AVEN: variants seen among roughly 807,000 people sequenced by gnomAD.
AVEN encodes the protein apoptosis and caspase activation inhibitor.
In AVEN, 41 loss-of-function variants were observed where a neutral mutation model predicts 38.1. The ratio of observed to expected loss-of-function variants is 1.08; its 90% confidence interval spans 0.84 to 1.40. The LOEUF (loss-of-function observed/expected upper bound fraction) is 1.40, where lower values mean the gene tolerates loss of function less well. Ranked by LOEUF, AVEN falls within the 40% of genes most tolerant of loss-of-function variation. The pLI is 0.00. For missense variants in AVEN, 605 were observed against 438.8 expected (o/e 1.38, Z -3.38); for synonymous variants, 206 against 171.8 (o/e 1.20, Z -1.56).
At chr15:33,991,421 T>C (rs1403870037) in intron 2 of AVEN, 1 of 152,108 alleles carries the variant, frequency 6.6e-6, no homozygotes, top group Non-Finnish European at 1.5e-5. Flanking sequence ...CATGATGTGA[T>C]TATTATGCAT....
At chr15:33,864,394 T>C (rs149380457), downstream of AVEN, among the ~76,000 whole-genome samples, 3 of 151,484 alleles carry the variant, frequency 2.0e-5, no homozygotes, top group African/African-American at 7.2e-5. Context: ...TAAATGCTTA[T>C]AGCTACTGCT....
chr15:34,045,042 T>A (rs1899635700), intron 5 of AVEN, among the ~76,000 whole-genome samples: 1 of 152,146 alleles, frequency 6.6e-6, no homozygotes, highest in South Asian at 2.1e-4. Flanking sequence ...AGCGAGACTC[T>A]GTCTCAAAAA....
At chr15:33,862,726 T>G (rs143503491), downstream of AVEN, among the ~76,000 whole-genome samples, 4,940 of 152,302 alleles carry the variant, frequency 0.032, 159 homozygotes, top group Non-Finnish European at 0.039. Context: ...TTCTCCTGCC[T>G]CAGCCTCCTG....
At chr15:33,871,910 G>A (rs1375252430) in intron 3 of AVEN, among the ~76,000 whole-genome samples, 1 of 152,108 alleles carries the variant, frequency 6.6e-6, no homozygotes, top group Non-Finnish European at 1.5e-5. Context: ...ACTAAACTGT[G>A]AATTTTAAAA....
chr15:34,042,557 C>T (rs1386185561), upstream of AVEN, among the ~76,000 whole-genome samples: 4 of 151,796 alleles, frequency 2.6e-5, no homozygotes, highest in Non-Finnish European at 5.9e-5. Context: ...TGCACCACCA[C>T]GCCCGGCTAA....
chr15:33,964,603 T>C (rs1895317478), intron 2 of AVEN, among the ~76,000 whole-genome samples: 1 of 152,218 alleles, frequency 6.6e-6, no homozygotes, highest in Admixed American at 6.5e-5. Context: ...ACAACCACTC[T>C]AGTTCATATC....
At chr15:33,865,053 C>A, downstream of AVEN, 1 of 1,093,892 alleles carries the variant, frequency 9.1e-7, no homozygotes, top group Non-Finnish European at 1.4e-6. Flanking sequence ...TAAAGGGAGC[C>A]ACAAAGAACA....
intron 11 of AVEN, among the ~76,000 whole-genome samples, chr15:33,860,179 T>C (rs1328558943): frequency 1.3e-5 from 2 of 152,002 alleles, no homozygotes; most frequent in African/African-American, 4.8e-5. Context: ...TCATGCTGAG[T>C]GGAGGAACCT....
At position 33,875,155 on chromosome 15, in the gene AVEN, G is replaced by A. The variant is rs139539671; in HGVS notation, c.516+770C>T. 2.9e-3 allele frequency among the ~76,000 whole-genome samples: 443 copies of A among 152,288 alleles called. 2 individuals carry two copies. Among genetic ancestry groups the A allele is most frequent in the African/African-American group, 0.01 (432 of 41,554 alleles). On this transcript the variant is annotated intron_variant, in intron 3 of 5. Transcript: ENST00000306730. ...CCACAGCACATACGCTGATGTGGGA[G>A]CAGAACAGGGAGGACAGTGCCTACG...
rs1189736313 is a variant in AVEN at position 34,039,142 on chromosome 15, C to T, written c.-96G>A. ...GCGGGCCGCACGGAGGAGCCGCGAG[C>T]GAAAGGCGCCCGGTAGCAGCGAGGC... is the stretch of plus-strand genomic sequence containing the variant. On this transcript the variant is annotated 5_prime_UTR_variant, in exon 1 of 6. Coordinates refer to ENST00000306730, the MANE Select transcript of AVEN (RefSeq NM_020371.3). The T allele has an allele frequency of 3.0e-5, 30 of 996,154 alleles. No homozygotes were observed. Among genetic ancestry groups the T allele is most frequent in the Non-Finnish European group, 3.6e-5 (30 of 827,722 alleles). 61.7% of individuals were successfully genotyped at this position (996,154 alleles called of 1,614,324 possible). A position where few individuals can be genotyped will look rare whatever the true frequency, so the allele number is the denominator to read the frequency against.
downstream of AVEN, chr15:33,854,552 TCAAAGA>T (rs1040801558): frequency 4.5e-6 from 5 of 1,116,400 alleles, no homozygotes; most frequent in Admixed American, 1.4e-4. Context: ...GGATTGCTTA[TCAAAGA>T]CCAAGAGCCT....
chr15:33,946,624 G>T (rs962164316), intron 2 of AVEN, among the ~76,000 whole-genome samples: 10 of 152,124 alleles, frequency 6.6e-5, no homozygotes, highest in African/African-American at 2.4e-4. Context: ...GCAGGCCGGT[G>T]GGTAGGAAGC....
intron 2 of AVEN, among the ~76,000 whole-genome samples, chr15:33,995,713 G>A (rs1018314970): frequency 3.9e-5 from 6 of 152,208 alleles, no homozygotes; most frequent in Admixed American, 1.3e-4. Flanking sequence ...CCATTAGTGG[G>A]ACATTATATC....
At chr15:33,916,036 T>G (rs1597226763) in intron 2 of AVEN, among the ~76,000 whole-genome samples, 1 of 150,614 alleles carries the variant, frequency 6.6e-6, no homozygotes, top group African/African-American at 2.4e-5. Context: ...CCACGGAGAG[T>G]CTGAGCTCAG....
intron 4 of AVEN, chr15:34,064,282 A>T (rs775528294): frequency 1.9e-6 from 3 of 1,613,896 alleles, no homozygotes; most frequent in African/African-American, 2.7e-5. Flanking sequence ...GTGGAAGAGA[A>T]GTTGTACTGG....
upstream of AVEN, among the ~76,000 whole-genome samples, chr15:34,043,201 C>T (rs1190246302): frequency 6.7e-6 from 1 of 149,368 alleles, no homozygotes; most frequent in Non-Finnish European, 1.5e-5. Flanking sequence ...GAGCCGAGAT[C>T]ACACCACTGC....
chr15:33,978,561 G>A (rs1292006937), intron 2 of AVEN, among the ~76,000 whole-genome samples: 1 of 152,076 alleles, frequency 6.6e-6, no homozygotes, highest in Admixed American at 6.5e-5. Flanking sequence ...TACTTGGGAG[G>A]CTAAGACAGG....
At chr15:34,040,256 C>T (rs1180040628), upstream of AVEN, among the ~76,000 whole-genome samples, 3 of 151,988 alleles carry the variant, frequency 2.0e-5, no homozygotes, top group Admixed American at 2.0e-4. Flanking sequence ...ATTACAGTAC[C>T]GTGTTGCTGA....
intron 2 of AVEN, among the ~76,000 whole-genome samples, chr15:33,882,406 T>G (rs906112745): frequency 6.6e-6 from 1 of 152,216 alleles, no homozygotes; most frequent in Non-Finnish European, 1.5e-5. Context: ...AATGCTGAAG[T>G]TGGCACACAT....
Sources: gnomAD v4.1 joint callset for allele counts (sites outside exome capture counted in the v4.1 genomes callset) on GRCh38, gnomAD v4.1.1 for gene constraint, MANE v1.5 for transcripts, NCBI Gene and HGNC (gene_info 2026-07-23, HGNC 2026-07-21) for gene names.